Variants in EVI5 observed in about 807,000 individuals in gnomAD.
EVI5 encodes the protein ecotropic viral integration site 5 protein homolog.
A neutral mutation model predicts 112.0 loss-of-function variants in EVI5; 73 were observed. The observed-to-expected ratio is 0.65, with a 90% CI of 0.54 to 0.79. The LOEUF (loss-of-function observed/expected upper bound fraction) is 0.79. Ranked by LOEUF, EVI5 falls within the 30% of genes least tolerant of loss-of-function variation. The probability of loss-of-function intolerance (pLI) is 0.00; values close to 1 mark genes in which losing one functional copy is unlikely to be tolerated. For synonymous variants in EVI5, 305 were observed against 319.9 expected, an observed-to-expected ratio of 0.95 and a Z score of 0.50; for missense variants, 900 against 968.8, an observed-to-expected ratio of 0.93 and a Z score of 0.94.
At chr1:92,554,570 A>G (rs946810389) in intron 19 of EVI5, among the ~76,000 whole-genome samples, 1 of 152,240 alleles carries the variant, frequency 6.6e-6, no homozygotes, top group African/African-American at 2.4e-5. Context: ...AATCTGCACA[A>G]TAATTTCTAA....
intron 18 of EVI5, among the ~76,000 whole-genome samples, chr1:92,576,545 CAG>C (rs1557823695): frequency 6.6e-6 from 1 of 151,886 alleles, no homozygotes; most frequent in Non-Finnish European, 1.5e-5. Context: ...AGATAGCTAA[CAG>C]GGGTAGAGTA....
chr1:92,583,099 T>C (rs1672211965), intron 18 of EVI5, among the ~76,000 whole-genome samples: 1 of 152,214 alleles, frequency 6.6e-6, no homozygotes. Flanking sequence ...TTTCACCTAG[T>C]ATGTCTTGTA....
chr1:92,696,598 T>C (rs541941174), intron 6 of EVI5, among the ~76,000 whole-genome samples: 1 of 151,288 alleles, frequency 6.6e-6, no homozygotes, highest in South Asian at 2.1e-4. Flanking sequence ...GATTGTGTCA[T>C]TGTACTTCAG....
At chr1:92,645,439 A>T (rs1183364289) in intron 13 of EVI5, among the ~76,000 whole-genome samples, 1 of 152,152 alleles carries the variant, frequency 6.6e-6, no homozygotes, top group African/African-American at 2.4e-5. Flanking sequence ...TCACTCCTAG[A>T]AGTCCACTGT....
intron 2 of EVI5, among the ~76,000 whole-genome samples, chr1:92,706,811 C>T (rs1672040532): frequency 6.6e-6 from 1 of 152,184 alleles, no homozygotes; most frequent in African/African-American, 2.4e-5. Context: ...GATACTGTCC[C>T]TGCTTTATCT....
intron 18 of EVI5, among the ~76,000 whole-genome samples, chr1:92,593,598 G>C (rs1346191687): frequency 6.6e-6 from 1 of 152,094 alleles, no homozygotes. Context: ...GGAAATAAAG[G>C]GTATTCCATT....
At chr1:92,705,028 T>G (rs930756123) in intron 2 of EVI5, among the ~76,000 whole-genome samples, 2 of 152,090 alleles carry the variant, frequency 1.3e-5, no homozygotes. Context: ...AAATTCAAAT[T>G]AGGGGAAATC....
At chr1:92,674,964 A>G (rs868796487) in intron 10 of EVI5, among the ~76,000 whole-genome samples, 2 of 152,260 alleles carry the variant, frequency 1.3e-5, no homozygotes, top group Non-Finnish European at 2.9e-5. Flanking sequence ...TTTTATGCCA[A>G]CTGCCTGAGA....
At chr1:92,547,412 G>A (rs12128389) in intron 19 of EVI5, among the ~76,000 whole-genome samples, 129,528 of 152,094 alleles carry the variant, frequency 0.85, 55,532 homozygotes, top group East Asian at 0.97. Context: ...ATCTAAAATT[G>A]ACACCCTAAC....
chr1:92,770,565 C>T (rs989328304), intron 1 of EVI5, among the ~76,000 whole-genome samples: 2 of 152,020 alleles, frequency 1.3e-5, no homozygotes, highest in African/African-American at 2.4e-5. Flanking sequence ...CCAAGGCGGG[C>T]TGATCACGAG....
intron 19 of EVI5, among the ~76,000 whole-genome samples, chr1:92,548,788 A>G (rs1412660314): frequency 6.6e-6 from 1 of 152,216 alleles, no homozygotes; most frequent in African/African-American, 2.4e-5. Context: ...CCAACTTACA[A>G]GGGATATGAA....
At chr1:92,711,927 G>A (rs1672908919) in intron 2 of EVI5, among the ~76,000 whole-genome samples, 1 of 152,106 alleles carries the variant, frequency 6.6e-6, no homozygotes, top group Non-Finnish European at 1.5e-5. Flanking sequence ...AGCAAGTTTG[G>A]CATAAGATAA....
intron 10 of EVI5, among the ~76,000 whole-genome samples, chr1:92,675,407 C>T (rs1029172961): frequency 6.6e-6 from 1 of 152,060 alleles, no homozygotes; most frequent in Non-Finnish European, 1.5e-5. Flanking sequence ...TCTGAAAATG[C>T]CTTTTGGTAT....
rs564823945 is a variant in EVI5 at position 92,680,360 on chromosome 1, T to C, written c.1098-3142A>G. On this transcript the variant is annotated intron_variant, in intron 9 of 19. Transcript: ENST00000684568. ...ATATCAAAAGAACAAAGCACCCAGG[T>C]TGCAAGGGTTCCCACTGGACAAATC... Among the ~76,000 whole-genome samples, 9 of 152,188 alleles carry C rather than the reference T, an allele frequency of 5.9e-5. No individual in the cohort carries two copies. In the South Asian group the frequency reaches 1.7e-3, roughly 28 times the overall value.
chr1:92,698,166 T>C (rs941430540), intron 5 of EVI5, among the ~76,000 whole-genome samples, 181 bp from the exon 6 acceptor site: 3 of 152,192 alleles, frequency 2.0e-5, no homozygotes, highest in African/African-American at 7.2e-5. Context: ...TCACCAAGAA[T>C]GAGAAGTTAA....
chr1:92,702,506 A>AAAATT (rs1671342760), intron 4 of EVI5, among the ~76,000 whole-genome samples: 1 of 151,064 alleles, frequency 6.6e-6, no homozygotes, highest in Non-Finnish European at 1.5e-5. Context: ...AACAGGGCTT[A>AAAATT]AAAATCAAGT....
chr1:92,650,890 G>A (rs1199013205), intron 13 of EVI5, among the ~76,000 whole-genome samples: 1 of 152,098 alleles, frequency 6.6e-6, no homozygotes, highest in Non-Finnish European at 1.5e-5. Context: ...TGCTCTATCT[G>A]GAATGTTTCT....
chr1:92,582,090 T>C (rs1347707905), intron 18 of EVI5, among the ~76,000 whole-genome samples: 1 of 152,262 alleles, frequency 6.6e-6, no homozygotes, highest in East Asian at 1.9e-4. Flanking sequence ...GTGCCCACTA[T>C]ACATTTAGAC....
rs186666835 is a variant in EVI5, at chr1:92,576,711, C to T, written c.2071-12974G>A. On this transcript the variant is annotated intron_variant, in intron 18 of 19. Coordinates refer to ENST00000684568, the MANE Select transcript of EVI5 (RefSeq NM_001350197.2). ...TTAAGACATCTGACAGACTGCTAGCCCACTGATTCTGGTTCCTAGTTCTGT... is the reference window on the plus strand; with the variant it reads ...TTAAGACATCTGACAGACTGCTAGCTCACTGATTCTGGTTCCTAGTTCTGT... 2.2e-3 allele frequency among the ~76,000 whole-genome samples: 329 copies of T among 152,204 alleles called. 3 individuals carry two copies. Among genetic ancestry groups the T allele is most frequent in the African/African-American group, 7.5e-3 (313 of 41,514 alleles).
Sources: gnomAD v4.1 joint callset for allele counts (sites outside exome capture counted in the v4.1 genomes callset) on GRCh38, gnomAD v4.1.1 for gene constraint, MANE v1.5 for transcripts, NCBI Gene and HGNC (gene_info 2026-07-23, HGNC 2026-07-21) for gene names.